TACC2: variants seen among roughly 807,000 people sequenced by gnomAD.
TACC2 encodes the protein transforming acidic coiled-coil containing protein 2, also known as transforming acidic coiled-coil-containing protein 2.
In TACC2, 137 loss-of-function variants were observed where a neutral mutation model predicts 227.3. The ratio of observed to expected loss-of-function variants is 0.60; its 90% CI spans 0.52 to 0.69. The LOEUF (loss-of-function observed/expected upper bound fraction) is 0.69. Among genes scored for constraint, TACC2 ranks in the 30% least tolerant of loss-of-function variants. The pLI is 0.00. For synonymous variants in TACC2, 1,523 were observed against 1,487.5 expected, an observed-to-expected ratio of 1.02 and a Z score of -0.55; for missense variants, 3,470 against 3,694.4, an observed-to-expected ratio of 0.94 and a Z score of 1.57.
Position 122,194,744 on chromosome 10 carries a change from C to T in TACC2, c.5835-296C>T, listed in dbSNP as rs1175846078. 2.0e-5 allele frequency among the ~76,000 whole-genome samples: 3 copies of T among 152,110 alleles called. No individual in the cohort carries two copies. The highest frequency in any genetic ancestry group is 4.8e-5 in the African/African-American group (2 of 41,414). ...ATTTGAATCAATACCTAATAATGAA[C>T]GCGTGCGGAAGTTCATCCAGAGTCC... On this transcript the variant is annotated intron_variant, in intron 7 of 22. Coordinates refer to ENST00000369005, the MANE Select transcript of TACC2 (RefSeq NM_206862.4). This position sits in a 1 kb window ranked among gnomAD's most constrained non-coding sequence, Gnocchi z 4.4.
intron 5 of TACC2, among the ~76,000 whole-genome samples, chr10:122,106,274 C>T (rs1241352030): frequency 6.6e-6 from 1 of 152,150 alleles, no homozygotes; most frequent in Non-Finnish European, 1.5e-5. Context: ...AGGTGTGAGC[C>T]ACCGCGCCCG....
intron 2 of TACC2, among the ~76,000 whole-genome samples, chr10:122,043,627 C>T (rs1306321190): frequency 6.6e-6 from 1 of 151,722 alleles, no homozygotes; most frequent in Non-Finnish European, 1.5e-5. Flanking sequence ...TGTTGCCAGA[C>T]TGAAGTGCAG....
intron 7 of TACC2, among the ~76,000 whole-genome samples, chr10:122,159,874 G>A (rs1241608336): frequency 3.3e-5 from 5 of 152,080 alleles, no homozygotes. Context: ...TGCTGCTATG[G>A]CAACTGGAGA....
intron 1 of TACC2, among the ~76,000 whole-genome samples, chr10:122,015,683 C>T (rs1252277064): frequency 6.6e-6 from 1 of 151,710 alleles, no homozygotes; most frequent in Non-Finnish European, 1.5e-5. Flanking sequence ...GAAAACCCAT[C>T]TCTACTAAAA....
At chr10:122,169,701 T>A (rs1253630827) in intron 7 of TACC2, among the ~76,000 whole-genome samples, 2 of 152,206 alleles carry the variant, frequency 1.3e-5, no homozygotes, top group African/African-American at 4.8e-5. Context: ...ACTTAAATAA[T>A]ATGTGCCGAT....
At chr10:122,093,944 A>G (rs757241479) in intron 5 of TACC2, among the ~76,000 whole-genome samples, 1 of 152,242 alleles carries the variant, frequency 6.6e-6, no homozygotes, top group Non-Finnish European at 1.5e-5. Flanking sequence ...CTGTAGACGC[A>G]GAAACTGGAT....
In TACC2 at chr10:122,000,516, G is replaced by A. The variant is rs186606561; in HGVS notation, c.-46+11028G>A. Among the ~76,000 whole-genome samples, 4 of 152,286 alleles carry A rather than the reference G, an allele frequency of 2.6e-5. No individual in the cohort carries two copies. In the East Asian group the frequency reaches 5.8e-4, roughly 22 times the overall value. ...CCACTGACAAGCCAGAGATTGACTC[G>A]GCCAGGATTGGCTTAGGAACTGGAG... On this transcript the variant is annotated intron_variant, in intron 1 of 22. Transcript: ENST00000369005.
Position 122,085,091 on chromosome 10 carries a change from G to A in TACC2, c.2591G>A (p.Gly864Asp). The change falls in exon 4 of 23, where the codon GGT (glycine) becomes GAT (aspartate). Residue 864 changes from glycine to aspartate, a missense_variant. Coordinates refer to ENST00000369005, the MANE Select transcript of TACC2 (RefSeq NM_206862.4). ...AAAGAGACTTCTCCAAGCCATCCAG[G>A]TTTTAAGGACCAGGGAGCAGATTCT... The part of the protein sequence containing the change: ...NGKETSPSHP[G>D]FKDQGADSSQ... 1 of 1,614,202 alleles carries A rather than the reference G, an allele frequency of 6.2e-7. No homozygotes were observed. The highest frequency in any genetic ancestry group is 8.5e-7 in the Non-Finnish European group (1 of 1,180,048).
chr10:122,157,039 G>A (rs2092533261), intron 7 of TACC2, among the ~76,000 whole-genome samples: 1 of 152,158 alleles, frequency 6.6e-6, no homozygotes, highest in Non-Finnish European at 1.5e-5. Flanking sequence ...TTGAGCCCAG[G>A]AGGTCGAGGC....
chr10:122,088,694 C>A, intron 5 of TACC2, 103 bp downstream of exon 5: 1 of 1,549,532 alleles, frequency 6.5e-7, no homozygotes, highest in Non-Finnish European at 8.7e-7. Context: ...AGCATGAGTT[C>A]CTACATAAGA....
At chr10:122,047,967 G>T (rs2075222106) in intron 2 of TACC2, among the ~76,000 whole-genome samples, 2 of 152,194 alleles carry the variant, frequency 1.3e-5, no homozygotes, top group Admixed American at 1.3e-4. Flanking sequence ...ACAATGGGAT[G>T]AACACAGATA....
intron 18 of TACC2, among the ~76,000 whole-genome samples, chr10:122,239,532 T>C (rs776861498): frequency 9.9e-5 from 15 of 152,246 alleles, no homozygotes; most frequent in Non-Finnish European, 2.1e-4. Flanking sequence ...ATTTGCATTA[T>C]TTTTAAACCT....
In TACC2 at chr10:122,083,528, A is replaced by C. The variant is rs1426288932; in HGVS notation, c.1028A>C (p.His343Pro). ...CAGCCAGTGGGAGCATATCTGCCGC[A>C]CGCAGAGCTGCCCTGGGGCTTGCCA... The part of the protein sequence containing the change: ...CQQPVGAYLP[H>P]AELPWGLPSP... The change falls in exon 4 of 23, where the codon CAC becomes CCC. Residue 343 changes from histidine to proline, a missense_variant. Transcript: ENST00000369005. 6.2e-7 allele frequency: 1 copy of C among 1,613,172 alleles called. No homozygotes were observed. The highest frequency in any genetic ancestry group is 1.1e-5 in the South Asian group (1 of 91,084).
At chr10:122,131,858 C>G (rs2088183902) in intron 5 of TACC2, among the ~76,000 whole-genome samples, 1 of 151,340 alleles carries the variant, frequency 6.6e-6, no homozygotes, top group South Asian at 2.1e-4. Context: ...CCCAACTCTA[C>G]TAGAAATGCA....
intron 7 of TACC2, chr10:122,163,826 C>A: frequency 6.8e-7 from 1 of 1,468,004 alleles, no homozygotes; most frequent in Non-Finnish European, 9.0e-7. Context: ...GTGCAGCAAC[C>A]CCGGCCGCCG....
chr10:122,184,469 C>CCG (rs1437443227), intron 7 of TACC2, among the ~76,000 whole-genome samples: 2 of 152,164 alleles, frequency 1.3e-5, no homozygotes, highest in African/African-American at 4.8e-5. Flanking sequence ...CAGCTGGGTT[C>CCG]CGTGTATTGT....
intron 5 of TACC2, 95 bp downstream of exon 5, chr10:122,088,686 C>T: frequency 6.4e-7 from 1 of 1,552,412 alleles, no homozygotes; most frequent in Non-Finnish European, 8.7e-7. Context: ...CCTTATACAG[C>T]ATGAGTTCCT....
Position 122,143,680 on chromosome 10 carries a change from C to T in TACC2, c.5808C>T (p.Cys1936=). 1.9e-6 allele frequency: 3 copies of T among 1,614,156 alleles called. No homozygotes were observed. The highest frequency in any genetic ancestry group is 2.5e-6 in the Non-Finnish European group (3 of 1,180,014). The change falls in exon 7 of 23, where the codon TGC becomes TGT. Residue 1936 remains cysteine, a synonymous_variant. Coordinates refer to ENST00000369005, the MANE Select transcript of TACC2 (RefSeq NM_206862.4). The part of the protein sequence containing the change: ...GDRVEASTPS[C]PDPAKDLSRS... ...GAGTAGAAGCTTCCACTCCCTCCTG[C>T]CCAGATCCGGCCAAGGACCTCAGCA...
At chr10:122,252,342 T>C (rs2096268620) in intron 22 of TACC2, among the ~76,000 whole-genome samples, 1 of 152,060 alleles carries the variant, frequency 6.6e-6, no homozygotes, top group Non-Finnish European at 1.5e-5. Context: ...CTGGCTTCCT[T>C]GAAGGCACTA....
Sources: gnomAD v4.1 joint callset for allele counts (sites outside exome capture counted in the v4.1 genomes callset) on GRCh38, gnomAD v4.1.1 for gene constraint, Gnocchi (gnomAD v3.1) non-coding constraint, MANE v1.5 for transcripts, NCBI Gene and HGNC (gene_info 2026-07-23, HGNC 2026-07-21) for gene names.